Variants in GALNT11 observed in about 807,000 individuals in gnomAD.
The protein encoded by GALNT11 is polypeptide N-acetylgalactosaminyltransferase 11, also known as UDP-GalNAc:polypeptide N-acetylgalactosaminyltransferase 11.
Under a neutral mutation model 72.7 loss-of-function variants are expected in GALNT11, and 47 were observed. The ratio of observed to expected loss-of-function variants is 0.65; its 90% CI spans 0.51 to 0.82. GALNT11 has a LOEUF of 0.82. Ranked by LOEUF, GALNT11 falls within the 40% of genes least tolerant of loss-of-function variation. The probability of loss-of-function intolerance (pLI) is 0.00; values close to 1 mark genes in which losing one functional copy is unlikely to be tolerated. For synonymous variants in GALNT11, 270 were observed against 286.6 expected (o/e 0.94, Z 0.58); for missense variants, 677 against 778.4 (o/e 0.87, Z 1.55).
chr7:152,030,146 A>G (rs2082238356), intron 1 of GALNT11, among the ~76,000 whole-genome samples: 1 of 152,220 alleles, frequency 6.6e-6, no homozygotes, highest in African/African-American at 2.4e-5. Context: ...AAGAAAAGAC[A>G]AGAGGTAGAG....
chr7:152,100,094 A>G (rs1275559185), intron 2 of GALNT11, among the ~76,000 whole-genome samples: 2 of 150,152 alleles, frequency 1.3e-5, no homozygotes, highest in African/African-American at 4.9e-5. Flanking sequence ...AGCTCTTTTT[A>G]TGGAAAAGCT....
chr7:152,100,773 G>C, intron 2 of GALNT11, 25 bp from the exon 3 acceptor site: 1 of 1,609,356 alleles, frequency 6.2e-7, no homozygotes, highest in Non-Finnish European at 8.5e-7. Context: ...GATTTAATTC[G>C]CTGACTAACT....
rs903341974 is a variant in GALNT11 at position 152,094,981 on chromosome 7, A to C, written c.295+459A>C. ...TAATTGCTAGAATTGTTAATAAGGG[A>C]AAGAAATGGTTGAAAGTTTCCTTGA... On this transcript the variant is annotated intron_variant, in intron 2 of 11. Transcript: ENST00000430044. This position sits in a 1 kb window ranked among gnomAD's most constrained non-coding sequence, Gnocchi z 4.3. Among the ~76,000 whole-genome samples the C allele has an allele frequency of 6.6e-6, 1 of 152,190 alleles. No individual in the cohort carries two copies. Among genetic ancestry groups the C allele is most frequent in the Non-Finnish European group, 1.5e-5 (1 of 68,026 alleles).
intron 1 of GALNT11, among the ~76,000 whole-genome samples, chr7:152,048,946 A>G (rs892614640): frequency 9.9e-5 from 15 of 151,546 alleles, no homozygotes; most frequent in African/African-American, 3.6e-4. Context: ...GTTGCATTTT[A>G]TAGCTCCAGA....
At chr7:152,078,525 G>A (rs1356428979) in intron 1 of GALNT11, among the ~76,000 whole-genome samples, 2 of 152,124 alleles carry the variant, frequency 1.3e-5, no homozygotes, top group African/African-American at 2.4e-5. Flanking sequence ...AATAAATAAT[G>A]GCAAAGATTT....
At chr7:152,072,649 T>C (rs2084725574) in intron 1 of GALNT11, among the ~76,000 whole-genome samples, 2 of 152,224 alleles carry the variant, frequency 1.3e-5, no homozygotes, top group African/African-American at 4.8e-5. Context: ...TATTATTACT[T>C]TGTAAATCCT....
intron 1 of GALNT11, among the ~76,000 whole-genome samples, chr7:152,030,844 G>T (rs1275642400): frequency 1.3e-5 from 2 of 151,728 alleles, no homozygotes; most frequent in African/African-American, 2.4e-5. Flanking sequence ...TTTCCTTTCT[G>T]CTGGTCTTTC....
At chr7:152,075,362 A>G (rs2084895121) in intron 1 of GALNT11, among the ~76,000 whole-genome samples, 1 of 152,214 alleles carries the variant, frequency 6.6e-6, no homozygotes, top group Non-Finnish European at 1.5e-5. Context: ...ACTTGTTACC[A>G]CTTCAGTGCT....
chr7:152,032,786 A>G (rs759334128), intron 1 of GALNT11, among the ~76,000 whole-genome samples: 7 of 152,164 alleles, frequency 4.6e-5, no homozygotes, highest in South Asian at 2.1e-4. Flanking sequence ...CCCCATATTC[A>G]TGTAGATAAT....
intron 9 of GALNT11, 116 bp downstream of exon 9, chr7:152,117,491 C>A: frequency 1.0e-6 from 1 of 976,886 alleles, no homozygotes; most frequent in Non-Finnish European, 1.6e-6. Flanking sequence ...TAATGACAGG[C>A]TTCAGCTTGC....
intron 1 of GALNT11, among the ~76,000 whole-genome samples, chr7:152,071,432 G>A (rs183982192): frequency 2.0e-4 from 30 of 152,144 alleles, no homozygotes; most frequent in Non-Finnish European, 3.2e-4. Context: ...GCTCACCGGC[G>A]GTCAGAGTTT....
intron 1 of GALNT11, among the ~76,000 whole-genome samples, chr7:152,031,801 G>C (rs2082314770): frequency 6.6e-6 from 1 of 152,084 alleles, no homozygotes; most frequent in Admixed American, 6.6e-5. Flanking sequence ...TCTGCCTCTG[G>C]TTCCCATTCT....
intron 1 of GALNT11, among the ~76,000 whole-genome samples, chr7:152,046,581 A>G (rs566269482): frequency 4.2e-4 from 64 of 152,048 alleles, no homozygotes; most frequent in African/African-American, 1.5e-3. Flanking sequence ...TTTTTTCTTG[A>G]GATCCATTTT....
chr7:152,092,941 G>A (rs10238767), intron 1 of GALNT11, among the ~76,000 whole-genome samples: 8,502 of 152,212 alleles, frequency 0.056, 808 homozygotes, highest in African/African-American at 0.2. Flanking sequence ...AAGCTTAGGA[G>A]AAATTGCCAG....
chr7:152,089,297 G>A (rs2085851988), intron 1 of GALNT11, among the ~76,000 whole-genome samples: 1 of 152,070 alleles, frequency 6.6e-6, no homozygotes, highest in Non-Finnish European at 1.5e-5. Context: ...AACAATCTTA[G>A]GTTTGTTATA....
At chr7:152,083,143 C>A (rs1430439083) in intron 1 of GALNT11, among the ~76,000 whole-genome samples, 2 of 152,072 alleles carry the variant, frequency 1.3e-5, no homozygotes, top group African/African-American at 4.8e-5. Flanking sequence ...TTTTACTTTT[C>A]TTTTGGTGTC....
chr7:152,038,416 T>C (rs1198398802), intron 1 of GALNT11, among the ~76,000 whole-genome samples: 2 of 152,246 alleles, frequency 1.3e-5, no homozygotes, highest in Non-Finnish European at 2.9e-5. Flanking sequence ...TCGCTTATGC[T>C]ATTGTTTGTG....
At chr7:152,052,776 C>G (rs996926590) in intron 1 of GALNT11, among the ~76,000 whole-genome samples, 4 of 152,186 alleles carry the variant, frequency 2.6e-5, no homozygotes, top group Non-Finnish European at 5.9e-5. Context: ...CTTAAACTAT[C>G]CTTTTGATTT....
At chr7:152,036,224 A>G (rs745511399) in intron 1 of GALNT11, among the ~76,000 whole-genome samples, 33 of 152,124 alleles carry the variant, frequency 2.2e-4, no homozygotes, top group Non-Finnish European at 4.1e-4. Flanking sequence ...TGTATACATT[A>G]ACTGTCTCTC....
Sources: gnomAD v4.1 joint callset for allele counts (sites outside exome capture counted in the v4.1 genomes callset) on GRCh38, gnomAD v4.1.1 for gene constraint, Gnocchi (gnomAD v3.1) non-coding constraint, MANE v1.5 for transcripts, NCBI Gene and HGNC (gene_info 2026-07-23, HGNC 2026-07-21) for gene names.